The following TGM2 variants were observed in gnomAD, a reference collection of about 807,000 sequenced individuals.
The protein encoded by TGM2 is protein-glutamine gamma-glutamyltransferase 2.
Under a neutral mutation model 75.6 loss-of-function variants are expected in TGM2, and 53 were observed. The ratio of observed to expected loss-of-function variants is 0.70; its 90% CI spans 0.56 to 0.88. TGM2 has a LOEUF of 0.88. TGM2 is among the 40% of genes least tolerant of loss of function. TGM2 has a pLI of 0.00. For synonymous variants in TGM2, 374 were observed against 381.1 expected, an observed-to-expected ratio of 0.98 and a Z score of 0.22; for missense variants, 842 against 928.5, an observed-to-expected ratio of 0.91 and a Z score of 1.21.
At chr20:38,138,006 C>T in intron 10 of TGM2, 107 bp downstream of exon 10, 1 of 1,485,742 alleles carries the variant, frequency 6.7e-7, no homozygotes. Context: ...GAGTCAGCGC[C>T]ATGTAAGTGT....
At chr20:38,150,373 C>T (rs1401100900) in intron 4 of TGM2, among the ~76,000 whole-genome samples, 1 of 152,154 alleles carries the variant, frequency 6.6e-6, no homozygotes, top group Non-Finnish European at 1.5e-5. Flanking sequence ...TTGTTTTTAG[C>T]CCCTAAATTT....
rs45457398 is a variant in TGM2 at position 38,153,334 on chromosome 20, G to A, written c.434-2277C>T. Among the ~76,000 whole-genome samples the A allele has an allele frequency of 5.6e-4, 85 of 152,146 alleles. 2 individuals are homozygous for A. The East Asian group carries it at 0.011, about 19-fold the overall frequency. ...GAGATCAGGAGTTTGAGACCAGCCT[G>A]GCCAACATGGTGAAACTCTGTCTCT... On this transcript the variant is annotated intron_variant, in intron 3 of 12. Transcript: ENST00000361475.
intron 6 of TGM2, among the ~76,000 whole-genome samples, chr20:38,144,588 C>T (rs1361728719): frequency 1.3e-5 from 2 of 152,164 alleles, no homozygotes; most frequent in East Asian, 3.8e-4. Context: ...AGTGATCTCT[C>T]CCTGGTATTA....
In TGM2 at chr20:38,137,867, A is replaced by G. The variant is rs1329664581; in HGVS notation, c.1615+246T>C. ...CCAACTGTGCAACCTTAAGAAAATT[A>G]CTTAACCTCTCTGTGCCTCAGTCTA... On this transcript the variant is annotated intron_variant, in intron 10 of 12. Transcript: ENST00000361475. 4.8e-6 allele frequency: 4 copies of G among 825,706 alleles called. No homozygotes were observed. The Admixed American group carries it at 1.2e-4, about 25-fold the overall frequency. 51.1% of individuals were successfully genotyped at this position (825,706 alleles called of 1,614,324 possible). A position where few individuals can be genotyped will look rare whatever the true frequency, so the allele number is the denominator to read the frequency against.
At chr20:38,155,372 C>T (rs1274218429) in intron 3 of TGM2, among the ~76,000 whole-genome samples, 1 of 152,120 alleles carries the variant, frequency 6.6e-6, no homozygotes, top group Non-Finnish European at 1.5e-5. Flanking sequence ...GACAGGGTCT[C>T]ACCCTGATAA....
chr20:38,142,224 G>A (rs1043156727), intron 6 of TGM2, 25 bp from the exon 7 acceptor site: 2 of 1,613,808 alleles, frequency 1.2e-6, no homozygotes, highest in Admixed American at 1.7e-5. Context: ...TGGAAAGCGG[G>A]GTGAGGTCCT....
chr20:38,136,729 C>G (rs545388942), intron 10 of TGM2, among the ~76,000 whole-genome samples: 1 of 152,322 alleles, frequency 6.6e-6, no homozygotes, highest in African/African-American at 2.4e-5. Flanking sequence ...CTGCAGGGCT[C>G]CAAATGGCAG....
intron 7 of TGM2, 101 bp from the exon 8 acceptor site, chr20:38,141,486 G>C: frequency 4.3e-6 from 4 of 920,720 alleles, no homozygotes; most frequent in Non-Finnish European, 6.9e-6. Context: ...ATGCAAGCTC[G>C]CCTCGTCCCA....
At chr20:38,131,349 A>G in intron 11 of TGM2, 120 bp from the exon 12 acceptor site, 1 of 1,313,862 alleles carries the variant, frequency 7.6e-7, no homozygotes, top group South Asian at 1.3e-5. Context: ...TGCCACGATC[A>G]CCCCCCCTCC....
intron 2 of TGM2, among the ~76,000 whole-genome samples, chr20:38,158,035 C>A (rs1009847318): frequency 6.6e-6 from 1 of 152,178 alleles, no homozygotes; most frequent in African/African-American, 2.4e-5. Flanking sequence ...AGGACAGCCT[C>A]AGTTTACGCC....
chr20:38,155,084 C>T (rs976971061), intron 3 of TGM2, among the ~76,000 whole-genome samples: 17 of 152,004 alleles, frequency 1.1e-4, no homozygotes, highest in Non-Finnish European at 1.6e-4. Context: ...CCAGCCCAGG[C>T]AACAAGAGCA....
intron 11 of TGM2, 32 bp downstream of exon 11, chr20:38,132,308 G>A (rs2074843996): frequency 6.2e-7 from 1 of 1,613,544 alleles, no homozygotes; most frequent in South Asian, 1.1e-5. Flanking sequence ...GAGCTGCCCT[G>A]GGACCCTGCC....
rs2229472 is a variant in TGM2, at chr20:38,130,360, G to C, written c.1923C>G (p.Pro641=). The C allele has an allele frequency of 6.3e-7, 1 of 1,592,262 alleles. No individual in the cohort carries two copies. Among genetic ancestry groups the C allele is most frequent in the Admixed American group, 1.8e-5 (1 of 55,592 alleles). The part of the protein sequence containing the change: ...EEQKTVEIPD[P]VEAGEEVKVR... ...CCTTAACTTCCTCCCCTGCCTCCACGGGGTCTGGGCTGCAGGGAGAGAGGG... is the reference window on the plus strand; with the variant it reads ...CCTTAACTTCCTCCCCTGCCTCCACCGGGTCTGGGCTGCAGGGAGAGAGGG... Residue 641 remains proline (P), a synonymous_variant, in exon 13 of 13, where the codon CCC becomes CCG. Transcript: ENST00000361475.
intron 2 of TGM2, among the ~76,000 whole-genome samples, chr20:38,156,471 C>T (rs1450135389): frequency 6.6e-6 from 1 of 152,284 alleles, no homozygotes; most frequent in African/African-American, 2.4e-5. Context: ...GTAGCATAGA[C>T]AAGGATTAGG....
chr20:38,144,357 G>A (rs1271701887), intron 6 of TGM2, among the ~76,000 whole-genome samples: 1 of 152,204 alleles, frequency 6.6e-6, no homozygotes, highest in African/African-American at 2.4e-5. Flanking sequence ...CGCGGGTGTG[G>A]GCACAGCCTT....
Position 38,142,141 on chromosome 20 carries a change from G to C in TGM2, c.918C>G (p.Asp306Glu), listed in dbSNP as rs761100486. 1 of 1,614,196 alleles carries C rather than the reference G, an allele frequency of 6.2e-7. No homozygotes were observed. Among genetic ancestry groups the C allele is most frequent in the Middle Eastern group, 1.6e-4 (1 of 6,062 alleles). Reference protein sequence around the residue: ...RVVTNYNSAHDQNSNLLIEYF... With the variant: ...RVVTNYNSAHEQNSNLLIEYF... ...ACTCGATGAGAAGGTTGCTGTTCTG[G>C]TCATGGGCCGAGTTGTAGTTGGTCA... The change falls in exon 7 of 13, where the codon GAC becomes GAG. Residue 306 changes from aspartate to glutamate, a missense_variant. Transcript: ENST00000361475.
chr20:38,157,572 C>A (rs540531968), intron 2 of TGM2, among the ~76,000 whole-genome samples: 4 of 152,366 alleles, frequency 2.6e-5, no homozygotes, highest in Admixed American at 1.3e-4. Flanking sequence ...TGAACTTCGA[C>A]AAGTTACTTA....
Position 38,141,317 on chromosome 20 carries a change from T to G in TGM2, c.1064A>C (p.Gln355Pro). Residue 355 changes from glutamine to proline, a missense_variant, in exon 8 of 13, where the codon CAG becomes CCG. Coordinates refer to ENST00000361475, the MANE Select transcript of TGM2 (RefSeq NM_004613.4). Reference sequence around the variant, plus strand: ...CTCCTGGGGCGTTGGGTCCAGGGCCTGCCAGCCCTCGTACCCCGGCTGCAG... The same window carrying G: ...CTCCTGGGGCGTTGGGTCCAGGGCCGGCCAGCCCTCGTACCCCGGCTGCAG... Reference protein sequence around the residue: ...PDLQPGYEGWQALDPTPQEKS... With the variant: ...PDLQPGYEGWPALDPTPQEKS... The G allele has an allele frequency of 6.3e-7, 1 of 1,588,732 alleles. No individual in the cohort carries two copies. Among genetic ancestry groups the G allele is most frequent in the South Asian group, 1.2e-5 (1 of 86,824 alleles).
At chr20:38,139,294 C>T in intron 9 of TGM2, 118 bp downstream of exon 9, 1 of 1,430,000 alleles carries the variant, frequency 7.0e-7, no homozygotes, top group South Asian at 1.2e-5. Context: ...GCCTACGGGG[C>T]CATTGCTGTA....
Sources: allele counts gnomAD v4.1 joint callset (sites outside exome capture counted in the v4.1 genomes callset), GRCh38; gene constraint gnomAD v4.1.1; transcripts MANE v1.5; gene names NCBI Gene and HGNC (gene_info 2026-07-23, HGNC 2026-07-21).